The following MARCHF1 variants were observed in gnomAD, a reference collection of about 807,000 sequenced individuals.
MARCHF1 encodes membrane associated ring-CH-type finger 1.
Under a neutral mutation model 54.2 loss-of-function variants are expected in MARCHF1, and 40 were observed. That is an observed-to-expected ratio of 0.74 (90% CI 0.57 to 0.96). The LOEUF (loss-of-function observed/expected upper bound fraction) is 0.96. MARCHF1 is among the 40% of genes least tolerant of loss of function. The pLI is 0.00. For missense variants in MARCHF1, 586 were observed against 656.5 expected (o/e 0.89, Z 1.17); for synonymous variants, 236 against 236.3 (o/e 1.00, Z 0.01).
Position 163,875,588 on chromosome 4 carries a change from C to T in MARCHF1, c.-38-21419G>A, listed in dbSNP as rs576124388. On this transcript the variant is annotated intron_variant, in intron 3 of 9. Transcript: ENST00000514618. ...AAAGCGGTCTCATGAACTTTCTCTT[C>T]TGCTTTGCATAAAAGGTTGGAATCT... Among the ~76,000 whole-genome samples the T allele has an allele frequency of 4.6e-5, 7 of 152,304 alleles. No homozygotes were observed. The South Asian group carries it at 1.5e-3, about 32-fold the overall frequency.
At chr4:163,893,054 C>A (rs1019726634) in intron 3 of MARCHF1, among the ~76,000 whole-genome samples, 2 of 151,564 alleles carry the variant, frequency 1.3e-5, no homozygotes, top group South Asian at 4.1e-4. Context: ...TTGACCTTTG[C>A]CCCAGAAGGA....
At chr4:163,684,562 T>G (rs191542242) in intron 5 of MARCHF1, among the ~76,000 whole-genome samples, 50 of 152,320 alleles carry the variant, frequency 3.3e-4, no homozygotes, top group African/African-American at 1.1e-3. Context: ...TGTATTTCAT[T>G]TCTAATTTTA....
intron 5 of MARCHF1, among the ~76,000 whole-genome samples, chr4:163,683,455 C>T (rs1294605503): frequency 6.6e-6 from 1 of 152,166 alleles, no homozygotes; most frequent in African/African-American, 2.4e-5. Context: ...GGTGGGGATG[C>T]AGCCAAACCA....
intron 7 of MARCHF1, among the ~76,000 whole-genome samples, chr4:163,605,014 ACTGT>A (rs1275306444): frequency 1.3e-5 from 2 of 152,196 alleles, no homozygotes; most frequent in South Asian, 2.1e-4. Context: ...TGACACCATT[ACTGT>A]CTATTTCCAG....
intron 1 of MARCHF1, among the ~76,000 whole-genome samples, chr4:164,335,492 G>A (rs548244863): frequency 5.3e-5 from 8 of 151,932 alleles, no homozygotes; most frequent in Non-Finnish European, 8.8e-5. Context: ...TGAGGCAGGA[G>A]AATGGCGTGA....
intron 1 of MARCHF1, among the ~76,000 whole-genome samples, chr4:164,306,091 A>C: frequency 6.6e-6 from 1 of 152,158 alleles, no homozygotes; most frequent in African/African-American, 2.4e-5. Context: ...TATTGTCTTT[A>C]TACATGAAAT....
At chr4:163,892,614 T>TA (rs1182324829) in intron 3 of MARCHF1, among the ~76,000 whole-genome samples, 2 of 149,220 alleles carry the variant, frequency 1.3e-5, no homozygotes, top group East Asian at 1.9e-4. Flanking sequence ...AAAATAAAAA[T>TA]AAAAAAATAA....
chr4:163,864,506 T>C (rs1428641539), intron 3 of MARCHF1, among the ~76,000 whole-genome samples: 2 of 151,954 alleles, frequency 1.3e-5, no homozygotes, highest in East Asian at 3.9e-4. Flanking sequence ...GCTAAAAAAT[T>C]GGATAAAATG....
At chr4:163,714,169 A>G (rs1401429868) in intron 4 of MARCHF1, among the ~76,000 whole-genome samples, 1 of 152,234 alleles carries the variant, frequency 6.6e-6, no homozygotes, top group Admixed American at 6.5e-5. Flanking sequence ...ATGTTTCCAT[A>G]AAGAGCAATA....
chr4:164,312,642 T>C (rs866901648), intron 1 of MARCHF1, among the ~76,000 whole-genome samples: 1 of 152,098 alleles, frequency 6.6e-6, no homozygotes, highest in South Asian at 2.1e-4. Flanking sequence ...TTTACACTAA[T>C]CTTAACTATC....
At chr4:164,133,825 A>T (rs908769199) in intron 1 of MARCHF1, among the ~76,000 whole-genome samples, 1 of 152,226 alleles carries the variant, frequency 6.6e-6, no homozygotes, top group Admixed American at 6.5e-5. Context: ...GACCTACTGC[A>T]CTTTGCAAAA....
intron 7 of MARCHF1, among the ~76,000 whole-genome samples, chr4:163,609,187 T>A (rs1359093980): frequency 6.6e-6 from 1 of 152,088 alleles, no homozygotes; most frequent in East Asian, 1.9e-4. Flanking sequence ...TCTTCTGCAG[T>A]TCAATAATAT....
At chr4:164,069,992 C>T (rs1180878948) in intron 2 of MARCHF1, among the ~76,000 whole-genome samples, 2 of 152,070 alleles carry the variant, frequency 1.3e-5, no homozygotes, top group Non-Finnish European at 2.9e-5. Context: ...GAGACTGTAG[C>T]CCTAAGAGAG....
intron 2 of MARCHF1, among the ~76,000 whole-genome samples, chr4:164,060,004 A>G (rs923079621): frequency 6.6e-6 from 1 of 152,078 alleles, no homozygotes; most frequent in African/African-American, 2.4e-5. Flanking sequence ...TTTGTGTCTC[A>G]GTTTTCTCAT....
At chr4:163,862,820 CCTT>C (rs1307456913) in intron 3 of MARCHF1, among the ~76,000 whole-genome samples, 11 of 151,880 alleles carry the variant, frequency 7.2e-5, no homozygotes, top group Admixed American at 7.2e-4. Flanking sequence ...ACAAACATGC[CCTT>C]CAATAGGTGA....
intron 1 of MARCHF1, among the ~76,000 whole-genome samples, chr4:164,226,672 T>C (rs578098138): frequency 5.9e-5 from 9 of 152,200 alleles, no homozygotes; most frequent in South Asian, 2.1e-4. Flanking sequence ...TGTGTGTATA[T>C]ATATAAAATA....
At chr4:164,333,592 A>T (rs75267177) in intron 1 of MARCHF1, among the ~76,000 whole-genome samples, 1,852 of 152,270 alleles carry the variant, frequency 0.012, 37 homozygotes, top group South Asian at 0.076. Context: ...TATTCTGATT[A>T]CTCTGACTAT....
chr4:163,977,689 T>A (rs992028127), intron 3 of MARCHF1, among the ~76,000 whole-genome samples: 1 of 152,230 alleles, frequency 6.6e-6, no homozygotes, highest in Non-Finnish European at 1.5e-5. Flanking sequence ...AAGTCATCAT[T>A]GTGCAGTTGA....
intron 4 of MARCHF1, among the ~76,000 whole-genome samples, chr4:163,801,926 G>T (rs749525473): frequency 9.9e-5 from 15 of 151,898 alleles, no homozygotes; most frequent in Non-Finnish European, 1.9e-4. Context: ...ACCCAAGAGA[G>T]AAATTTTTAC....
Sources: allele counts gnomAD v4.1 joint callset (sites outside exome capture counted in the v4.1 genomes callset), GRCh38; gene constraint gnomAD v4.1.1; transcripts MANE v1.5; gene names NCBI Gene and HGNC (gene_info 2026-07-23, HGNC 2026-07-21).